The following PTPRO variants were observed in gnomAD, a reference collection of about 807,000 sequenced individuals.
PTPRO encodes the protein protein tyrosine phosphatase receptor type O.
Under a neutral mutation model 145.2 loss-of-function variants are expected in PTPRO, and 62 were observed. The ratio of observed to expected loss-of-function variants is 0.43; its 90% CI spans 0.35 to 0.53. PTPRO has a LOEUF of 0.53. Among genes scored for constraint, PTPRO ranks in the 20% least tolerant of loss-of-function variants. PTPRO has a pLI of 0.01. For synonymous variants in PTPRO, 565 were observed against 514.7 expected (o/e 1.10, Z -1.32); for missense variants, 1,345 against 1,482.7 (o/e 0.91, Z 1.53).
intron 1 of PTPRO, among the ~76,000 whole-genome samples, chr12:15,383,263 T>G (rs1353932523): frequency 6.6e-6 from 1 of 152,222 alleles, no homozygotes; most frequent in Non-Finnish European, 1.5e-5. Flanking sequence ...AATAAAGTCC[T>G]CCATATCTAT....
chr12:15,598,092 G>A lies in PTPRO; in HGVS notation c.*2019G>A, dbSNP rs1944694067. ...TTCTTGAGCACCCTTTCAAGGTAGG[G>A]ATCAAATAGTGCCAGATCAATTTTC... On this transcript the variant is annotated 3_prime_UTR_variant, in exon 27 of 27. Coordinates refer to ENST00000281171, the MANE Select transcript of PTPRO (RefSeq NM_030667.3). Among the ~76,000 whole-genome samples the A allele has an allele frequency of 1.3e-5, 2 of 152,132 alleles. No individual in the cohort carries two copies. Among genetic ancestry groups the A allele is most frequent in the Non-Finnish European group, 1.5e-5 (1 of 68,012 alleles).
intron 5 of PTPRO, 72 bp from the exon 6 acceptor site, chr12:15,503,836 A>G: frequency 2.3e-6 from 3 of 1,295,380 alleles, no homozygotes; most frequent in Non-Finnish European, 3.2e-6. Flanking sequence ...TTTTTCATTA[A>G]TCGACTTGTC....
Position 15,356,754 on chromosome 12 carries a change from A to G in PTPRO, c.75+33953A>G, listed in dbSNP as rs368241389. 9.8e-5 allele frequency among the ~76,000 whole-genome samples: 15 copies of G among 152,290 alleles called. No individual in the cohort carries two copies. The East Asian group carries it at 1.5e-3, about 16-fold the overall frequency. On this transcript the variant is annotated intron_variant, in intron 1 of 26. Transcript: ENST00000281171. The stretch of plus-strand genomic sequence containing the variant: ...TTATATGGATGAAATAGGATCATCA[A>G]TGTTTAAATTTTAAATATAGTGATT...
At chr12:15,589,749 A>G (rs891614158) in intron 25 of PTPRO, among the ~76,000 whole-genome samples, 159 bp downstream of exon 25, 4 of 152,232 alleles carry the variant, frequency 2.6e-5, no homozygotes, top group African/African-American at 9.6e-5. Context: ...GCATAAAAGA[A>G]ATAGACACTA....
chr12:15,551,614 T>C lies in PTPRO; in HGVS notation c.2501T>C (p.Ile834Thr), dbSNP rs371555278. ...SVLAILSTLL[I>T]GLLLVTLIIL... ...CTGGCCATCCTTAGCACACTTTTAA[T>C]TGGACTGTTGCTTGTTACCCTCATT... The change falls in exon 15 of 27, where the codon ATT becomes ACT. Residue 834 changes from isoleucine to threonine, a missense_variant. Ile to Thr is a moderately conservative substitution (Grantham distance 89). Coordinates refer to ENST00000281171, the MANE Select transcript of PTPRO (RefSeq NM_030667.3). 2.5e-6 allele frequency: 4 copies of C among 1,613,654 alleles called. No homozygotes were observed. Among genetic ancestry groups the C allele is most frequent in the African/African-American group, 1.3e-5 (1 of 74,918 alleles).
rs1480460534 is a variant in PTPRO, at chr12:15,431,306, T to A, written c.76-52668T>A. Among the ~76,000 whole-genome samples, 3 of 152,368 alleles carry A rather than the reference T, an allele frequency of 2.0e-5. No homozygotes were observed. In the East Asian group the frequency reaches 5.8e-4, roughly 29 times the overall value. The stretch of plus-strand genomic sequence containing the variant: ...ACAGTGAGGGTCATCCCTCTTCATC[T>A]CAGGAGCAATTAACTAGTTATTTTG... On this transcript the variant is annotated intron_variant, in intron 1 of 26. Transcript: ENST00000281171.
intron 1 of PTPRO, among the ~76,000 whole-genome samples, chr12:15,424,017 G>A (rs2136330952): frequency 6.6e-6 from 1 of 152,308 alleles, no homozygotes; most frequent in South Asian, 2.1e-4. Context: ...CAGGCTAATA[G>A]GACAAGCAGC....
intron 1 of PTPRO, among the ~76,000 whole-genome samples, chr12:15,395,809 TCA>T (rs34553766): frequency 0.24 from 35,358 of 147,606 alleles, 5,220 homozygotes; most frequent in African/African-American, 0.44. Context: ...CAATTAAAGA[TCA>T]CACACACACA....
At chr12:15,374,514 A>G (rs1052908499) in intron 1 of PTPRO, among the ~76,000 whole-genome samples, 1 of 152,162 alleles carries the variant, frequency 6.6e-6, no homozygotes, top group Admixed American at 6.5e-5. Context: ...CTTAAAAAAC[A>G]ACAGTCTTGG....
At chr12:15,477,351 T>TGGGGAGG (rs1941677366) in intron 1 of PTPRO, among the ~76,000 whole-genome samples, 1 of 83,980 alleles carries the variant, frequency 1.2e-5, no homozygotes, top group Admixed American at 1.6e-4. Flanking sequence ...GGGACTGTGG[T>TGGGGAGG]GGGGAGGGGG....
At chr12:15,456,479 T>G (rs1052616352) in intron 1 of PTPRO, among the ~76,000 whole-genome samples, 1 of 152,182 alleles carries the variant, frequency 6.6e-6, no homozygotes, top group Non-Finnish European at 1.5e-5. Flanking sequence ...GCCAAGGTAT[T>G]TTACTTGGTA....
intron 1 of PTPRO, among the ~76,000 whole-genome samples, chr12:15,327,455 C>G (rs1434075839): frequency 1.3e-5 from 2 of 152,118 alleles, no homozygotes; most frequent in Non-Finnish European, 2.9e-5. Flanking sequence ...CACAACCAAC[C>G]AGAACTGACC....
rs771782428 is a variant in PTPRO at position 15,359,422 on chromosome 12, C to CTTTTTT, written c.75+36636_75+36641dup. On this transcript the variant is annotated intron_variant, in intron 1 of 26. Transcript: ENST00000281171. Reference sequence around the variant, plus strand: ...ATTGGTCTACTTTTCTTTCTCTTTCCTTTTTTTTTTTTTTTTTTTTGAGAT... The same window carrying CTTTTTT: ...ATTGGTCTACTTTTCTTTCTCTTTCCTTTTTTTTTTTTTTTTTTTTTTTTTTGAGAT... Among the ~76,000 whole-genome samples, 30 of 112,512 alleles carry CTTTTTT rather than the reference C, an allele frequency of 2.7e-4. 1 individual carries two copies. Among genetic ancestry groups the CTTTTTT allele is most frequent in the African/African-American group, 6.7e-4 (20 of 29,850 alleles). The allele number at this position is 112,512 out of a possible 152,430, so 73.8% of individuals were successfully genotyped here.
At chr12:15,564,441 C>T (rs1943848899) in intron 17 of PTPRO, among the ~76,000 whole-genome samples, 1 of 152,148 alleles carries the variant, frequency 6.6e-6, no homozygotes, top group South Asian at 2.1e-4. Flanking sequence ...TATTGACCAC[C>T]CACTAGGTGT....
intron 1 of PTPRO, among the ~76,000 whole-genome samples, chr12:15,380,602 A>G (rs892287554): frequency 6.6e-6 from 1 of 152,200 alleles, no homozygotes; most frequent in Non-Finnish European, 1.5e-5. Flanking sequence ...AAATTCATCT[A>G]AAGGTGGAAT....
At chr12:15,533,926 C>G (rs1187773487) in intron 12 of PTPRO, among the ~76,000 whole-genome samples, 1 of 151,986 alleles carries the variant, frequency 6.6e-6, no homozygotes, top group Non-Finnish European at 1.5e-5. Context: ...GGTTCTACCT[C>G]TATAGAAAGA....
At chr12:15,344,114 C>CG (rs556897577) in intron 1 of PTPRO, among the ~76,000 whole-genome samples, 161 of 152,220 alleles carry the variant, frequency 1.1e-3, no homozygotes, top group African/African-American at 3.1e-3. Flanking sequence ...ATATAAAAAC[C>CG]GGCTTTGTCA....
intron 1 of PTPRO, among the ~76,000 whole-genome samples, chr12:15,395,923 G>T (rs1046164151): frequency 1.3e-5 from 2 of 152,084 alleles, no homozygotes; most frequent in Non-Finnish European, 2.9e-5. Context: ...CTCAGACAAA[G>T]TGTATGGTTG....
intron 19 of PTPRO, among the ~76,000 whole-genome samples, chr12:15,571,431 T>G (rs10846213): frequency 0.19 from 28,876 of 151,996 alleles, 2,879 homozygotes; most frequent in Middle Eastern, 0.27. Context: ...GGGACTACAG[T>G]TGCCCACCAC....
Sources: gnomAD v4.1 joint callset for allele counts (sites outside exome capture counted in the v4.1 genomes callset) on GRCh38, gnomAD v4.1.1 for gene constraint, MANE v1.5 for transcripts, NCBI Gene and HGNC (gene_info 2026-07-23, HGNC 2026-07-21) for gene names.